Variants in RIT2 observed in about 807,000 individuals in gnomAD.
RIT2 encodes the protein Ras like without CAAX 2.
A neutral mutation model predicts 23.7 loss-of-function variants in RIT2; 24 were observed. The ratio of observed to expected loss-of-function variants is 1.01; its 90% CI spans 0.73 to 1.43. RIT2 has a LOEUF of 1.43. Ranked by LOEUF, RIT2 falls within the 40% of genes most tolerant of loss-of-function variation. RIT2 has a pLI of 0.00. For missense variants in RIT2, 236 were observed against 266.9 expected, an observed-to-expected ratio of 0.88 and a Z score of 0.81; for synonymous variants, 107 against 91.1, an observed-to-expected ratio of 1.17 and a Z score of -0.99.
chr18:42,907,480 A>G (rs1175859469), intron 4 of RIT2, among the ~76,000 whole-genome samples: 1 of 152,180 alleles, frequency 6.6e-6, no homozygotes, highest in African/African-American at 2.4e-5. Flanking sequence ...GCATTTGGAG[A>G]AAAACAAGCA....
chr18:43,051,146 C>A (rs1912372202), intron 1 of RIT2, among the ~76,000 whole-genome samples: 1 of 151,918 alleles, frequency 6.6e-6, no homozygotes, highest in African/African-American at 2.4e-5. Context: ...TAGATAGTGT[C>A]CCCCCTGACT....
At chr18:42,888,719 C>A (rs1216267696) in intron 4 of RIT2, among the ~76,000 whole-genome samples, 1 of 151,868 alleles carries the variant, frequency 6.6e-6, no homozygotes, top group Non-Finnish European at 1.5e-5. Flanking sequence ...CCATGGAACA[C>A]CACAAAGCCA....
intron 4 of RIT2, among the ~76,000 whole-genome samples, chr18:42,820,927 A>T (rs1374411685): frequency 6.6e-6 from 1 of 152,116 alleles, no homozygotes; most frequent in Non-Finnish European, 1.5e-5. Context: ...TGGATCCTTC[A>T]TGAATGACTC....
intron 2 of RIT2, among the ~76,000 whole-genome samples, chr18:43,020,088 A>T (rs1911561266): frequency 6.6e-6 from 1 of 152,132 alleles, no homozygotes; most frequent in African/African-American, 2.4e-5. Flanking sequence ...CAAATAATTA[A>T]TACTGTTAAA....
intron 4 of RIT2, among the ~76,000 whole-genome samples, chr18:42,841,378 T>A (rs1405366732): frequency 6.6e-6 from 1 of 152,152 alleles, no homozygotes; most frequent in Non-Finnish European, 1.5e-5. Context: ...AGTTTCAAAG[T>A]TATAAAATCA....
chr18:42,990,009 ATGTGTGTGTG>A (rs5824463), intron 2 of RIT2, among the ~76,000 whole-genome samples: 31 of 148,786 alleles, frequency 2.1e-4, no homozygotes, highest in Non-Finnish European at 3.3e-4. Context: ...ATTTACAGAT[ATGTGTGTGTG>A]TGTGTGTGTG....
At chr18:42,807,478 A>G (rs576884807) in intron 4 of RIT2, among the ~76,000 whole-genome samples, 4 of 152,220 alleles carry the variant, frequency 2.6e-5, no homozygotes, top group African/African-American at 9.6e-5. Flanking sequence ...TTAGCTGGAC[A>G]TGGTGGCAGG....
intron 3 of RIT2, among the ~76,000 whole-genome samples, chr18:42,928,212 C>T (rs1259693981): frequency 6.6e-6 from 1 of 151,578 alleles, no homozygotes; most frequent in African/African-American, 2.4e-5. Flanking sequence ...AGTGGTAGGG[C>T]ATATATATAT....
chr18:43,059,849 G>T (rs921775806), intron 1 of RIT2, among the ~76,000 whole-genome samples: 45 of 151,926 alleles, frequency 3.0e-4, no homozygotes, highest in African/African-American at 1.1e-3. Flanking sequence ...CATGCTTATG[G>T]ATCAATTAAC....
At chr18:42,959,773 C>G (rs985933314) in intron 3 of RIT2, among the ~76,000 whole-genome samples, 1 of 152,182 alleles carries the variant, frequency 6.6e-6, no homozygotes, top group Non-Finnish European at 1.5e-5. Context: ...CATAGAGGAT[C>G]AACAGCCTGG....
intron 1 of RIT2, among the ~76,000 whole-genome samples, chr18:43,086,550 G>GAA (rs1913287003): frequency 6.6e-6 from 1 of 152,140 alleles, no homozygotes; most frequent in Non-Finnish European, 1.5e-5. Flanking sequence ...GACAAAACTT[G>GAA]AAGGCTGTGT....
At chr18:42,841,137 T>C (rs1190868069) in intron 4 of RIT2, among the ~76,000 whole-genome samples, 4 of 152,182 alleles carry the variant, frequency 2.6e-5, no homozygotes, top group African/African-American at 9.6e-5. Flanking sequence ...GAATGAATGA[T>C]GTCAATGATG....
intron 2 of RIT2, among the ~76,000 whole-genome samples, chr18:42,986,428 G>T (rs1016056255): frequency 6.6e-5 from 10 of 152,132 alleles, no homozygotes; most frequent in Non-Finnish European, 1.0e-4. Flanking sequence ...CTTTTTGGTT[G>T]TTGGGGTGGT....
chr18:42,899,120 T>C (rs1327245810), intron 4 of RIT2, among the ~76,000 whole-genome samples: 1 of 151,942 alleles, frequency 6.6e-6, no homozygotes, highest in Non-Finnish European at 1.5e-5. Flanking sequence ...TTTTAGCATC[T>C]ATTGGTTATT....
At chr18:42,954,012 G>C (rs1023736908) in intron 3 of RIT2, among the ~76,000 whole-genome samples, 2 of 151,978 alleles carry the variant, frequency 1.3e-5, no homozygotes, top group Non-Finnish European at 2.9e-5. Flanking sequence ...AAGTGTCTGA[G>C]GTTGCAAGAA....
rs142682270 is a variant in RIT2, at chr18:42,817,202, G to A, written c.427-73482C>T. ...TCACTTTGGTAGACAGAACATCCAC[G>A]ATTTAGTTGAAGCTAAATTGATTAT... On this transcript the variant is annotated intron_variant, in intron 4 of 4. Coordinates refer to ENST00000326695, the MANE Select transcript of RIT2 (RefSeq NM_002930.4). 6.1e-4 allele frequency among the ~76,000 whole-genome samples: 93 copies of A among 152,196 alleles called. 2 individuals are homozygous for A. The East Asian group carries it at 0.017, about 27-fold the overall frequency.
chr18:42,928,719 G>C (rs1324100704), intron 3 of RIT2, among the ~76,000 whole-genome samples: 1 of 151,926 alleles, frequency 6.6e-6, no homozygotes, highest in Non-Finnish European at 1.5e-5. Context: ...GTCTCAATCT[G>C]ATGCCTTAAA....
chr18:42,934,645 TAAC>T, intron 3 of RIT2, among the ~76,000 whole-genome samples: 1 of 152,326 alleles, frequency 6.6e-6, no homozygotes, highest in Admixed American at 6.5e-5. Context: ...GCATGGATAT[TAAC>T]ATCATATGAT....
intron 3 of RIT2, among the ~76,000 whole-genome samples, chr18:42,926,744 G>C (rs1047100240): frequency 5.9e-5 from 9 of 152,044 alleles, no homozygotes; most frequent in Admixed American, 2.6e-4. Flanking sequence ...ATCTAAATTG[G>C]AATCTCTAGG....
Sources: gnomAD v4.1 joint callset for allele counts (sites outside exome capture counted in the v4.1 genomes callset) on GRCh38, gnomAD v4.1.1 for gene constraint, MANE v1.5 for transcripts, NCBI Gene and HGNC (gene_info 2026-07-23, HGNC 2026-07-21) for gene names.